Variants in RIMBP2 observed in about 807,000 individuals in gnomAD.
RIMBP2 encodes RIMS binding protein 2, also known as RIMS-binding protein 2.
A neutral mutation model predicts 118.6 loss-of-function variants in RIMBP2; 48 were observed. The ratio of observed to expected loss-of-function variants is 0.40; its 90% CI spans 0.32 to 0.51. The LOEUF (loss-of-function observed/expected upper bound fraction) is 0.51. RIMBP2 is among the 20% of genes least tolerant of loss of function. RIMBP2 has a pLI of 0.41. For synonymous variants in RIMBP2, 762 were observed against 742.9 expected (o/e 1.03, Z -0.42); for missense variants, 1,551 against 1,768.3 (o/e 0.88, Z 2.20).
chr12:130,540,028 A>C (rs12368113), intron 2 of RIMBP2, among the ~76,000 whole-genome samples: 575 of 14,572 alleles, frequency 0.039, 68 homozygotes, highest in Non-Finnish European at 0.065. Flanking sequence ...CAAATGCAGT[A>C]GATGAGGTGG....
rs577003471 is a variant in RIMBP2, at chr12:130,562,118, A to G, written c.-216-44201T>C. Among the ~76,000 whole-genome samples, 4 of 152,364 alleles carry G rather than the reference A, an allele frequency of 2.6e-5. No homozygotes were observed. In the East Asian group the frequency reaches 7.7e-4, roughly 29 times the overall value. On this transcript the variant is annotated intron_variant, in intron 2 of 22. Coordinates refer to ENST00000690449, the MANE Select transcript of RIMBP2 (RefSeq NM_001393629.1). ...TTTTAAAGTTTAAGTTTTAAAATAT[A>G]TATCCATCACTCTTTTAGTGCATTC... is the stretch of plus-strand genomic sequence containing the variant.
chr12:130,448,446 G>A (rs1039484940), intron 9 of RIMBP2, among the ~76,000 whole-genome samples: 1 of 152,228 alleles, frequency 6.6e-6, no homozygotes, highest in African/African-American at 2.4e-5. Flanking sequence ...GAAGGAAGGC[G>A]TCTGTGGCAC....
chr12:130,442,199 C>T lies in RIMBP2; in HGVS notation c.1153G>A (p.Val385Met). ...NMAACTYRIS[V>M]QCVTSRGSSD... Reference sequence around the variant, plus strand: ...CTGCCCCTGCTGGTGACGCACTGCACGGAGATGCGGTAGGTGCAGGCTGCC... The same window carrying T: ...CTGCCCCTGCTGGTGACGCACTGCATGGAGATGCGGTAGGTGCAGGCTGCC... The change falls in exon 11 of 23, where the codon GTG becomes ATG. Residue 385 changes from valine (V) to methionine (M), a missense_variant. This residue lies in a region of RIMBP2 where 265 missense variants were observed against 349.5 expected (regional missense o/e 0.76). Coordinates refer to ENST00000690449, the MANE Select transcript of RIMBP2 (RefSeq NM_001393629.1). This position sits in a 1 kb window ranked among gnomAD's most constrained non-coding sequence, Gnocchi z 6.9. The T allele has an allele frequency of 6.2e-7, 1 of 1,614,170 alleles. No individual in the cohort carries two copies. The highest frequency in any genetic ancestry group is 8.5e-7 in the Non-Finnish European group (1 of 1,180,042).
At chr12:130,544,986 G>T (rs1384537683) in intron 2 of RIMBP2, among the ~76,000 whole-genome samples, 5 of 152,182 alleles carry the variant, frequency 3.3e-5, no homozygotes, top group African/African-American at 1.2e-4. Context: ...AACATATTCT[G>T]AAGGAAGTGT....
intron 21 of RIMBP2, among the ~76,000 whole-genome samples, chr12:130,405,484 A>T (rs942779229): frequency 1.3e-5 from 2 of 152,158 alleles, no homozygotes; most frequent in Admixed American, 1.3e-4. Context: ...GCAGGGTCCT[A>T]AGTGGCCCTG....
chr12:130,472,543 C>T (rs770459170), intron 5 of RIMBP2, among the ~76,000 whole-genome samples: 4 of 152,228 alleles, frequency 2.6e-5, no homozygotes, highest in African/African-American at 4.8e-5. Context: ...CCATATGCTA[C>T]GCTGTGACTT....
rs111969669 is a variant in RIMBP2, at chr12:130,483,105, A to G, written c.-3-4089T>C. On this transcript the variant is annotated intron_variant, in intron 4 of 22. Transcript: ENST00000690449. Reference sequence around the variant, plus strand: ...CAGGGGAGGGGGCACACCTCATCCAAATACACCCATTGTGTGTGTACATGT... The same window carrying G: ...CAGGGGAGGGGGCACACCTCATCCAGATACACCCATTGTGTGTGTACATGT... Among the ~76,000 whole-genome samples, 88 of 60,604 alleles carry G rather than the reference A, an allele frequency of 1.5e-3. 2 individuals carry two copies. The highest frequency in any genetic ancestry group is 5.1e-3 in the African/African-American group (84 of 16,350). The allele number at this position is 60,604 out of a possible 152,430, so 39.8% of individuals were successfully genotyped here. A position where few individuals can be genotyped will look rare whatever the true frequency, so the allele number is the denominator to read the frequency against.
In RIMBP2 at chr12:130,665,749, AACAC is replaced by A. The variant is rs61043627; in HGVS notation, c.-351-37297_-351-37294del. On this transcript the variant is annotated intron_variant, in intron 1 of 22. Transcript: ENST00000690449. ...GTATTGGATTGGATCCTGGACCAGA[AACAC>A]ACACACACACACACAGCTCTAAAGG... Among the ~76,000 whole-genome samples the A allele has an allele frequency of 1.6e-4, 23 of 147,062 alleles. 1 individual carries two copies. The highest frequency in any genetic ancestry group is 2.7e-4 in the Admixed American group (4 of 15,026).
intron 4 of RIMBP2, among the ~76,000 whole-genome samples, chr12:130,496,320 T>C (rs568865381): frequency 2.0e-5 from 3 of 152,214 alleles, no homozygotes; most frequent in Admixed American, 6.5e-5. Flanking sequence ...ACGTGACACA[T>C]GACTTTCACC....
chr12:130,615,260 A>ATGTATATG (rs1566371739), intron 2 of RIMBP2, among the ~76,000 whole-genome samples: 41 of 25,400 alleles, frequency 1.6e-3, no homozygotes, highest in Admixed American at 0.011. Flanking sequence ...TTATGTATAT[A>ATGTATATG]TACATAATAC....
chr12:130,564,005 GC>G lies in RIMBP2; in HGVS notation c.-216-46089del, dbSNP rs1347115202. Among the ~76,000 whole-genome samples the G allele has an allele frequency of 2.7e-3, 413 of 151,288 alleles. 6 individuals are homozygous for G. In the East Asian group the frequency reaches 0.032, roughly 12 times the overall value. On this transcript the variant is annotated intron_variant, in intron 2 of 22. Coordinates refer to ENST00000690449, the MANE Select transcript of RIMBP2 (RefSeq NM_001393629.1). ...CCATCTCTACCACACCAGCCTCCCT[GC>G]TGTTCCTATACAAGTCAGGCAGTCC...
intron 2 of RIMBP2, among the ~76,000 whole-genome samples, chr12:130,570,949 G>A (rs1442820518): frequency 3.9e-5 from 6 of 152,170 alleles, no homozygotes; most frequent in Admixed American, 3.9e-4. Context: ...GGGGGATGTC[G>A]CTGGTGCCAG....
intron 1 of RIMBP2, among the ~76,000 whole-genome samples, chr12:130,666,779 G>T (rs1354413554): frequency 2.4e-5 from 3 of 124,484 alleles, no homozygotes; most frequent in African/African-American, 9.3e-5. Flanking sequence ...AGGAGAGAGG[G>T]AAGAAGGGAG....
chr12:130,566,743 T>C (rs1327495384), intron 2 of RIMBP2, among the ~76,000 whole-genome samples: 1 of 152,256 alleles, frequency 6.6e-6, no homozygotes, highest in African/African-American at 2.4e-5. Flanking sequence ...TCTAGGATCC[T>C]GACCCTCAGA....
intron 4 of RIMBP2, among the ~76,000 whole-genome samples, chr12:130,491,659 G>T (rs1471475411): frequency 1.3e-5 from 2 of 152,166 alleles, no homozygotes; most frequent in Admixed American, 1.3e-4. Context: ...ATTCCCAAAG[G>T]GAGTCTGAAA....
chr12:130,506,909 G>T, intron 3 of RIMBP2, 139 bp from the exon 4 acceptor site: 2 of 606,476 alleles, frequency 3.3e-6, no homozygotes, highest in Non-Finnish European at 4.1e-6. Flanking sequence ...TCATGGACTG[G>T]GTCCACTCCT....
At chr12:130,402,613 T>C (rs2074731634) in intron 21 of RIMBP2, among the ~76,000 whole-genome samples, 3 of 152,222 alleles carry the variant, frequency 2.0e-5, no homozygotes, top group African/African-American at 7.2e-5. Context: ...TGATCTCTGC[T>C]TCTCTCCTAC....
chr12:130,580,058 C>A lies in RIMBP2; in HGVS notation c.-217+48264G>T, dbSNP rs1000501605. 6.9e-5 allele frequency among the ~76,000 whole-genome samples: 10 copies of A among 144,682 alleles called. No individual in the cohort carries two copies. The East Asian group carries it at 1.0e-3, about 14-fold the overall frequency. 94.9% of individuals were successfully genotyped at this position (144,682 alleles called of 152,430 possible). ...AAAAAAAAAAAAAAAATTAGCCGGG[C>A]ATGGTGGCAGGTGCCTGTAATCCCA... On this transcript the variant is annotated intron_variant, in intron 2 of 22. Coordinates refer to ENST00000690449, the MANE Select transcript of RIMBP2 (RefSeq NM_001393629.1).
At position 130,704,024 on chromosome 12, in the gene RIMBP2, A is replaced by G. The variant is rs559268098; in HGVS notation, c.-352+12198T>C. On this transcript the variant is annotated intron_variant, in intron 1 of 22. Coordinates refer to ENST00000690449, the MANE Select transcript of RIMBP2 (RefSeq NM_001393629.1). ...TCTCCCTTTCTGTACCAAGAAAGCT[A>G]TAAATCGGAGCCCCATCCTTCCAGA... Among the ~76,000 whole-genome samples, 9 of 152,260 alleles carry G rather than the reference A, an allele frequency of 5.9e-5. No homozygotes were observed. The East Asian group carries it at 1.6e-3, about 26-fold the overall frequency.
Sources: allele counts gnomAD v4.1 joint callset (sites outside exome capture counted in the v4.1 genomes callset), GRCh38; gene constraint gnomAD v4.1.1; regional missense constraint gnomAD v4.1.1; non-coding constraint Gnocchi (gnomAD v3.1); transcripts MANE v1.5; gene names NCBI Gene and HGNC (gene_info 2026-07-23, HGNC 2026-07-21).